Variants in CNTN3 observed in about 807,000 individuals in gnomAD.
The protein encoded by CNTN3 is contactin-3.
A neutral mutation model predicts 119.1 loss-of-function variants in CNTN3; 60 were observed. The ratio of observed to expected loss-of-function variants is 0.50; its 90% CI spans 0.41 to 0.62. The LOEUF (loss-of-function observed/expected upper bound fraction) is 0.62, where lower values mean the gene tolerates loss of function less well. Among genes scored for constraint, CNTN3 ranks in the 20% least tolerant of loss-of-function variants. The pLI is 0.00. For missense variants in CNTN3, 1,101 were observed against 1,242.4 expected (o/e 0.89, Z 1.71); for synonymous variants, 450 against 438.7 (o/e 1.03, Z -0.32).
chr3:74,442,176 CAG>C (rs66734419), intron 4 of CNTN3, among the ~76,000 whole-genome samples: 34,155 of 134,420 alleles, frequency 0.25, 4,004 homozygotes, highest in South Asian at 0.49. Context: ...CACACACACA[CAG>C]AGAGAGAGAG....
intron 1 of CNTN3, among the ~76,000 whole-genome samples, chr3:74,563,690 G>A (rs893609701): frequency 1.3e-5 from 2 of 152,116 alleles, no homozygotes; most frequent in South Asian, 2.1e-4. Flanking sequence ...TGAATGGGAA[G>A]CTTATGGCAC....
intron 5 of CNTN3, among the ~76,000 whole-genome samples, chr3:74,378,300 C>T (rs926083594): frequency 1.3e-5 from 2 of 152,122 alleles, no homozygotes; most frequent in Admixed American, 6.6e-5. Context: ...TTGAAGAGTC[C>T]GCACTGTAAA....
intron 1 of CNTN3, among the ~76,000 whole-genome samples, chr3:74,564,056 A>C (rs1042222051): frequency 7.2e-5 from 11 of 152,162 alleles, no homozygotes; most frequent in Admixed American, 4.6e-4. Flanking sequence ...TATTATAAAG[A>C]AGTCAGTCAA....
intron 5 of CNTN3, among the ~76,000 whole-genome samples, chr3:74,384,787 C>T (rs540314060): frequency 6.1e-4 from 93 of 152,284 alleles, no homozygotes; most frequent in African/African-American, 2.1e-3. Context: ...TGTTTCTAGA[C>T]ACTTTTTCTG....
chr3:74,514,318 A>G (rs1347289143), intron 2 of CNTN3, among the ~76,000 whole-genome samples: 1 of 152,156 alleles, frequency 6.6e-6, no homozygotes, highest in Non-Finnish European at 1.5e-5. Flanking sequence ...CTACTGATAG[A>G]GAAATAAATT....
intron 20 of CNTN3, among the ~76,000 whole-genome samples, chr3:74,282,608 A>G (rs975338513): frequency 5.1e-4 from 78 of 152,300 alleles, no homozygotes; most frequent in African/African-American, 1.7e-3. Context: ...GCAGGTAATC[A>G]AAAATGTTAT....
intron 1 of CNTN3, among the ~76,000 whole-genome samples, chr3:74,593,027 C>T (rs1704731885): frequency 6.6e-6 from 1 of 151,866 alleles, no homozygotes; most frequent in African/African-American, 2.4e-5. Flanking sequence ...CAAATTGACT[C>T]AATATTCTAA....
chr3:74,486,372 AT>A, intron 4 of CNTN3, 83 bp downstream of exon 4: 1 of 1,231,102 alleles, frequency 8.1e-7, no homozygotes, highest in Non-Finnish European at 1.1e-6. Context: ...CCCATGTATT[AT>A]TTCTGAAATC....
chr3:74,510,450 C>G (rs78147170), intron 2 of CNTN3, among the ~76,000 whole-genome samples: 3 of 152,126 alleles, frequency 2.0e-5, no homozygotes, highest in East Asian at 2.0e-4. Context: ...ACTAGCTTCA[C>G]GAAAGTACAT....
intron 2 of CNTN3, among the ~76,000 whole-genome samples, chr3:74,511,165 T>G (rs895010411): frequency 3.3e-5 from 5 of 152,150 alleles, no homozygotes; most frequent in Middle Eastern, 3.4e-3. Context: ...ATCCAGAGAT[T>G]TAGGCCTAAA....
chr3:74,504,114 A>G (rs1703211773), intron 2 of CNTN3, among the ~76,000 whole-genome samples: 2 of 152,204 alleles, frequency 1.3e-5, no homozygotes, highest in Admixed American at 1.3e-4. Flanking sequence ...AAAAGAAATG[A>G]GATTCCTAAA....
chr3:74,613,883 T>C (rs1360256829), intron 1 of CNTN3, among the ~76,000 whole-genome samples: 1 of 152,176 alleles, frequency 6.6e-6, no homozygotes, highest in Non-Finnish European at 1.5e-5. Flanking sequence ...CGTCCCAAGC[T>C]GCTGATCTGT....
intron 5 of CNTN3, among the ~76,000 whole-genome samples, chr3:74,382,019 A>G (rs1704634939): frequency 6.6e-6 from 1 of 152,042 alleles, no homozygotes; most frequent in African/African-American, 2.4e-5. Context: ...GATCAGGCCA[A>G]CCAACATGGA....
chr3:74,309,102 A>G (rs538080137), intron 13 of CNTN3, among the ~76,000 whole-genome samples: 5 of 151,674 alleles, frequency 3.3e-5, no homozygotes, highest in African/African-American at 1.2e-4. Flanking sequence ...TTTATTATTT[A>G]TTATTTATTT....
intron 1 of CNTN3, among the ~76,000 whole-genome samples, chr3:74,594,442 TCTCCCCCCACCCCACAACA>T (rs1329687047): frequency 6.7e-6 from 1 of 148,330 alleles, no homozygotes; most frequent in African/African-American, 2.5e-5. Context: ...ATCCCTCCCC[TCTCCCCCCACCCCACAACA>T]CTCCCCAGAG....
At chr3:74,562,453 G>A (rs749437796) in intron 1 of CNTN3, among the ~76,000 whole-genome samples, 3 of 152,136 alleles carry the variant, frequency 2.0e-5, no homozygotes, top group Non-Finnish European at 4.4e-5. Flanking sequence ...CAAAGAATTA[G>A]ATGCTATGGC....
At chr3:74,568,574 T>C (rs1704261454) in intron 1 of CNTN3, among the ~76,000 whole-genome samples, 2 of 152,118 alleles carry the variant, frequency 1.3e-5, no homozygotes, top group Admixed American at 1.3e-4. Context: ...ATGCTCAGAG[T>C]AACACGGAGG....
At chr3:74,379,622 T>G (rs1704566852) in intron 5 of CNTN3, among the ~76,000 whole-genome samples, 1 of 152,178 alleles carries the variant, frequency 6.6e-6, no homozygotes, top group South Asian at 2.1e-4. Context: ...CTTTTTCTCA[T>G]GAGGAATTAT....
In CNTN3 at chr3:74,500,658, C is replaced by G. The variant is rs1462084739; in HGVS notation, c.56-873G>C. 8.6e-5 allele frequency among the ~76,000 whole-genome samples: 13 copies of G among 151,940 alleles called. No individual in the cohort carries two copies. The East Asian group carries it at 2.3e-3, about 27-fold the overall frequency. On this transcript the variant is annotated intron_variant, in intron 2 of 22. Coordinates refer to ENST00000263665, the MANE Select transcript of CNTN3 (RefSeq NM_020872.3). ...AGACAAAGAAAACGAGATCAAGAAG[C>G]AGCAAAAAAGGCCCTAAAACAATGA...
Sources: gnomAD v4.1 joint callset for allele counts (sites outside exome capture counted in the v4.1 genomes callset) on GRCh38, gnomAD v4.1.1 for gene constraint, MANE v1.5 for transcripts, NCBI Gene and HGNC (gene_info 2026-07-23, HGNC 2026-07-21) for gene names.